MRPS31: variants seen among roughly 807,000 people sequenced by gnomAD.
MRPS31 encodes small ribosomal subunit protein mS31.
Under a neutral mutation model 43.1 loss-of-function variants are expected in MRPS31, and 32 were observed. The observed-to-expected ratio is 0.74, with a 90% confidence interval of 0.56 to 1.00. The LOEUF is 1.00. MRPS31 is among the 50% of genes least tolerant of loss of function. The pLI, the probability that MRPS31 is intolerant of heterozygous loss-of-function variation, is 0.00. For missense variants in MRPS31, 437 were observed against 466.7 expected (o/e 0.94, Z 0.59); for synonymous variants, 165 against 161.6 (o/e 1.02, Z -0.16).
chr13:40,754,130 T>C (rs1158306053), intron 4 of MRPS31, 38 bp from the exon 5 acceptor site: 2 of 1,141,036 alleles, frequency 1.8e-6, no homozygotes, highest in Admixed American at 2.2e-5. Context: ...TTAATGAATA[T>C]ATTTTAAACT....
At chr13:40,764,292 T>C (rs923779259) in intron 2 of MRPS31, among the ~76,000 whole-genome samples, 2 of 152,156 alleles carry the variant, frequency 1.3e-5, no homozygotes, top group Non-Finnish European at 2.9e-5. Context: ...GTAATGCACA[T>C]CCTCCGAATA....
chr13:40,744,763 G>A (rs1045198258), intron 6 of MRPS31, among the ~76,000 whole-genome samples: 17 of 150,194 alleles, frequency 1.1e-4, no homozygotes, highest in East Asian at 2.0e-4. Flanking sequence ...TACAGGCCCC[G>A]CCATCACACC....
chr13:40,769,142 C>T (rs779147574), intron 1 of MRPS31, among the ~76,000 whole-genome samples: 5 of 151,518 alleles, frequency 3.3e-5, no homozygotes, highest in Admixed American at 6.6e-5. Context: ...GTTTGGGAGG[C>T]GGAGGTGGGC....
At chr13:40,760,631 CTTTT>C (rs551721594) in intron 2 of MRPS31, among the ~76,000 whole-genome samples, 1 of 133,762 alleles carries the variant, frequency 7.5e-6, no homozygotes, top group Non-Finnish European at 1.6e-5. Flanking sequence ...ACATTTTTTC[CTTTT>C]TTTTTTTTTT....
At chr13:40,746,433 T>C (rs931201131) in intron 6 of MRPS31, among the ~76,000 whole-genome samples, 1 of 152,144 alleles carries the variant, frequency 6.6e-6, no homozygotes, top group Non-Finnish European at 1.5e-5. Flanking sequence ...GAGCTGAAAA[T>C]GAGTTACTGA....
chr13:40,767,112 T>A (rs1880873151), intron 1 of MRPS31, 79 bp from the exon 2 acceptor site: 2 of 1,147,974 alleles, frequency 1.7e-6, no homozygotes, highest in Admixed American at 3.0e-5. Flanking sequence ...TACAATAAAG[T>A]AAAAAACTAT....
chr13:40,738,638 G>C (rs1015439845), intron 6 of MRPS31, among the ~76,000 whole-genome samples: 2 of 151,992 alleles, frequency 1.3e-5, no homozygotes, highest in Non-Finnish European at 2.9e-5. Flanking sequence ...TTCAATATAC[G>C]CAAATCAATA....
chr13:40,737,856 C>T (rs923950756), intron 6 of MRPS31, among the ~76,000 whole-genome samples: 8 of 151,318 alleles, frequency 5.3e-5, no homozygotes, highest in African/African-American at 1.7e-4. Context: ...AAATTGACAC[C>T]CTAACATCAC....
At position 40,749,216 on chromosome 13, in the gene MRPS31, G is replaced by A. The variant is rs769729955; in HGVS notation, c.880C>T (p.Leu294Phe). The change falls in exon 6 of 7, where the codon CTT becomes TTT. Residue 294 changes from leucine to phenylalanine, a missense_variant. By Grantham distance (22) the Leu-to-Phe change is conservative. Transcript: ENST00000323563. ...KQLATVNEQP[L>F]QNGFEELIQW... Reference sequence around the variant, plus strand: ...ATCAGCTCTTCAAATCCATTCTGAAGGGGTTGTTCATTTACTGTGGCTAAC... The same window carrying A: ...ATCAGCTCTTCAAATCCATTCTGAAAGGGTTGTTCATTTACTGTGGCTAAC... The A allele has an allele frequency of 6.2e-7, 1 of 1,601,032 alleles. No individual in the cohort carries two copies. The highest frequency in any genetic ancestry group is 1.1e-5 in the South Asian group (1 of 88,384).
At chr13:40,770,838 T>C (rs1880985730) in intron 1 of MRPS31, 147 bp downstream of exon 1, 2 of 1,048,664 alleles carry the variant, frequency 1.9e-6, no homozygotes, top group African/African-American at 3.2e-5. Context: ...ACGCACACTA[T>C]GACCTTGGGC....
chr13:40,754,807 T>C (rs1468425729), intron 4 of MRPS31, among the ~76,000 whole-genome samples: 3 of 152,178 alleles, frequency 2.0e-5, no homozygotes, highest in Non-Finnish European at 4.4e-5. Context: ...GGCAGGTAGA[T>C]TACCTGAGGT....
intron 6 of MRPS31, among the ~76,000 whole-genome samples, chr13:40,741,206 AAAG>A (rs1370365561): frequency 6.6e-6 from 1 of 152,096 alleles, no homozygotes; most frequent in African/African-American, 2.4e-5. Flanking sequence ...TAGGTGATAA[AAAG>A]AACTGCTTTA....
At chr13:40,751,758 C>T (rs1328587274) in intron 5 of MRPS31, among the ~76,000 whole-genome samples, 1 of 152,064 alleles carries the variant, frequency 6.6e-6, no homozygotes, top group Non-Finnish European at 1.5e-5. Context: ...GAACAAAAAC[C>T]ATTCTTTAGA....
intron 6 of MRPS31, among the ~76,000 whole-genome samples, chr13:40,735,410 G>C (rs1056592815): frequency 2.6e-5 from 4 of 152,184 alleles, no homozygotes; most frequent in African/African-American, 9.7e-5. Flanking sequence ...CAGGAAGCTC[G>C]AACTGGGTGG....
chr13:40,762,768 A>C (rs374440844), intron 2 of MRPS31, among the ~76,000 whole-genome samples: 9 of 145,372 alleles, frequency 6.2e-5, no homozygotes, highest in African/African-American at 1.8e-4. Flanking sequence ...TCACCACCTG[A>C]CATAGTATAG....
intron 6 of MRPS31, chr13:40,731,259 A>AG (rs1439568227): frequency 6.1e-6 from 1 of 165,128 alleles, no homozygotes; most frequent in African/African-American, 2.4e-5. Flanking sequence ...TCTCAAAAAA[A>AG]AAAAAAAAAA....
At chr13:40,739,032 G>A (rs1880004719) in intron 6 of MRPS31, among the ~76,000 whole-genome samples, 1 of 152,182 alleles carries the variant, frequency 6.6e-6, no homozygotes, top group African/African-American at 2.4e-5. Context: ...TGTATATCTA[G>A]AAAACCCCAT....
At chr13:40,757,121 G>T in intron 3 of MRPS31, 108 bp from the exon 4 acceptor site, 1 of 808,478 alleles carries the variant, frequency 1.2e-6, no homozygotes, top group Non-Finnish European at 1.9e-6. Flanking sequence ...TCATTTTTAT[G>T]CACTAATTAC....
chr13:40,769,666 CATT>C (rs769839550), intron 1 of MRPS31, among the ~76,000 whole-genome samples: 1 of 151,730 alleles, frequency 6.6e-6, no homozygotes, highest in Non-Finnish European at 1.5e-5. Context: ...AGAAAATGGT[CATT>C]ATTTTACATT....
Sources: allele counts gnomAD v4.1 joint callset (sites outside exome capture counted in the v4.1 genomes callset), GRCh38; gene constraint gnomAD v4.1.1; transcripts MANE v1.5; gene names NCBI Gene and HGNC (gene_info 2026-07-23, HGNC 2026-07-21).